CNGB3: variants seen among roughly 807,000 people sequenced by gnomAD.
CNGB3 encodes cyclic nucleotide-gated channel beta-3.
Under a neutral mutation model 92.8 loss-of-function variants are expected in CNGB3, and 86 were observed. The observed-to-expected ratio is 0.93, with a 90% CI of 0.78 to 1.11. The LOEUF (loss-of-function observed/expected upper bound fraction) is 1.11, where lower values mean the gene tolerates loss of function less well. Among genes scored for constraint, CNGB3 ranks in the 50% least tolerant of loss-of-function variants. The probability of loss-of-function intolerance (pLI) is 0.00; values close to 1 mark genes in which losing one functional copy is unlikely to be tolerated. For missense variants in CNGB3, 1,026 were observed against 956.8 expected (o/e 1.07, Z -0.95); for synonymous variants, 333 against 332.7 (o/e 1.00, Z -0.01).
chr8:86,577,830 A>G (rs978092218), intron 17 of CNGB3, among the ~76,000 whole-genome samples: 3 of 152,254 alleles, frequency 2.0e-5, no homozygotes, highest in African/African-American at 7.2e-5. Context: ...TTTAAGCAGC[A>G]AAATCACACA....
chr8:86,659,621 G>T, intron 6 of CNGB3: 4 of 525,150 alleles, frequency 7.6e-6, no homozygotes, highest in South Asian at 1.6e-5. Flanking sequence ...TCCCACACGC[G>T]CCAGGAATAC....
chr8:86,650,018 A>G (rs1823368468), intron 7 of CNGB3, among the ~76,000 whole-genome samples: 2 of 151,508 alleles, frequency 1.3e-5, no homozygotes, highest in South Asian at 4.1e-4. Context: ...AAGAAGTTAT[A>G]CAAATGGCCA....
rs1158255477 is a variant in CNGB3, at chr8:86,726,663, A to G, written c.212-6T>C. On this transcript the variant is annotated splice_polypyrimidine_tract_variant and splice_region_variant and intron_variant, in intron 2 of 17. Transcript: ENST00000320005. The stretch of plus-strand genomic sequence containing the variant: ...ATTTTTCTTGGAGAGTTTGTCTATG[A>G]AAAAAAAATTCACATAGATAGAAGA... The G allele has an allele frequency of 1.2e-6, 2 of 1,606,842 alleles. No individual in the cohort carries two copies. Among genetic ancestry groups the G allele is most frequent in the Non-Finnish European group, 1.7e-6 (2 of 1,174,810 alleles).
chr8:86,722,428 T>A (rs1824988462), intron 3 of CNGB3, among the ~76,000 whole-genome samples: 1 of 152,110 alleles, frequency 6.6e-6, no homozygotes, highest in Admixed American at 6.6e-5. Flanking sequence ...AGATAATGAA[T>A]TGTTTGCTTT....
chr8:86,655,390 A>G (rs1214064458), intron 6 of CNGB3, among the ~76,000 whole-genome samples: 2 of 152,256 alleles, frequency 1.3e-5, no homozygotes, highest in African/African-American at 4.8e-5. Flanking sequence ...TTTTCCACTC[A>G]CTTCCCGGAG....
At chr8:86,657,479 A>G (rs555403968) in intron 6 of CNGB3, 59 of 516,322 alleles carry the variant, frequency 1.1e-4, no homozygotes, top group South Asian at 8.3e-4. Context: ...GGGGTTCTGC[A>G]TCTCAGGAAG....
chr8:86,720,177 C>T (rs58938797), intron 3 of CNGB3, among the ~76,000 whole-genome samples: 8,898 of 152,222 alleles, frequency 0.058, 338 homozygotes, highest in East Asian at 0.13. Flanking sequence ...AGCTTTTGCA[C>T]AGCAAAGTAA....
At chr8:86,692,121 A>G (rs1824330841) in intron 3 of CNGB3, among the ~76,000 whole-genome samples, 1 of 152,192 alleles carries the variant, frequency 6.6e-6, no homozygotes, top group Non-Finnish European at 1.5e-5. Flanking sequence ...TCTTAAATTT[A>G]TTGAGACTTG....
chr8:86,587,655 C>T (rs1170523792), intron 15 of CNGB3, among the ~76,000 whole-genome samples: 3 of 150,900 alleles, frequency 2.0e-5, no homozygotes, highest in East Asian at 2.0e-4. Context: ...TGTAGATATG[C>T]GGCGTTATTT....
At chr8:86,713,925 T>C (rs1323221797) in intron 3 of CNGB3, among the ~76,000 whole-genome samples, 1 of 152,198 alleles carries the variant, frequency 6.6e-6, no homozygotes, top group Non-Finnish European at 1.5e-5. Flanking sequence ...ATTTCTCATA[T>C]ACCTTTGATC....
At position 86,632,947 on chromosome 8, in the gene CNGB3, A is replaced by G. The variant is rs530037339; in HGVS notation, c.1179-54T>C. 10 of 1,502,896 alleles carry G rather than the reference A, an allele frequency of 6.7e-6. No individual in the cohort carries two copies. In the East Asian group the frequency reaches 2.0e-4, roughly 31 times the overall value. The allele number at this position is 1,502,896 out of a possible 1,614,324, so 93.1% of individuals were successfully genotyped here. A position where few individuals can be genotyped will look rare whatever the true frequency, so the allele number is the denominator to read the frequency against. ...TTTTTTTCTATATCATCGAAAGACC[A>G]CTATTCTTGGGAGAATATAGTACTA... On this transcript the variant is annotated intron_variant, in intron 10 of 17. Transcript: ENST00000320005.
intron 3 of CNGB3, among the ~76,000 whole-genome samples, chr8:86,710,905 A>G (rs996938658): frequency 6.6e-6 from 1 of 152,198 alleles, no homozygotes; most frequent in Admixed American, 6.5e-5. Flanking sequence ...TGTTGACCAC[A>G]TGCCAGATTT....
At chr8:86,601,289 G>A (rs957359772) in intron 15 of CNGB3, among the ~76,000 whole-genome samples, 2 of 152,136 alleles carry the variant, frequency 1.3e-5, no homozygotes, top group African/African-American at 4.8e-5. Flanking sequence ...AATAAGACTT[G>A]GGACTAAATG....
chr8:86,736,422 G>A (rs1488482344), intron 2 of CNGB3, among the ~76,000 whole-genome samples: 1 of 152,012 alleles, frequency 6.6e-6, no homozygotes, highest in Non-Finnish European at 1.5e-5. Context: ...TACCAGCTAT[G>A]AAAAATTTAA....
At position 86,723,983 on chromosome 8, in the gene CNGB3, A is replaced by G. The variant is rs181166097; in HGVS notation, c.338+2548T>C. Among the ~76,000 whole-genome samples, 980 of 152,270 alleles carry G rather than the reference A, an allele frequency of 6.4e-3. 7 individuals carry two copies. The highest frequency in any genetic ancestry group is 0.02 in the Middle Eastern group (6 of 294). ...TTACAATGGTAGCTAAACATTGAGC[A>G]CACAAGGACACGTTGAAGAAAACAA... On this transcript the variant is annotated intron_variant, in intron 3 of 17. Transcript: ENST00000320005.
At position 86,579,263 on chromosome 8, in the gene CNGB3, G is replaced by A; in HGVS notation, c.1782-11C>T. 1 of 1,613,654 alleles carries A rather than the reference G, an allele frequency of 6.2e-7. No individual in the cohort carries two copies. The highest frequency in any genetic ancestry group is 8.5e-7 in the Non-Finnish European group (1 of 1,179,888). On this transcript the variant is annotated splice_polypyrimidine_tract_variant and intron_variant, in intron 15 of 17. Coordinates refer to ENST00000320005, the MANE Select transcript of CNGB3 (RefSeq NM_019098.5). ...CCTGCTGCTAGAAGGCTGTAAGAGA[G>A]AAAAATGAGTCTTTGCCACCAGTTT...
chr8:86,662,800 A>G (rs182521894), intron 6 of CNGB3, among the ~76,000 whole-genome samples: 81 of 152,248 alleles, frequency 5.3e-4, no homozygotes, highest in Non-Finnish European at 8.5e-4. Flanking sequence ...TTTTCACACA[A>G]TAAAGCCCTG....
chr8:86,630,118 C>T (rs1470206341), intron 11 of CNGB3, among the ~76,000 whole-genome samples: 1 of 152,188 alleles, frequency 6.6e-6, no homozygotes, highest in Non-Finnish European at 1.5e-5. Context: ...TTAAAACTAT[C>T]TGCAGAGGAG....
intron 6 of CNGB3, chr8:86,658,804 C>G: frequency 1.8e-6 from 1 of 554,726 alleles, no homozygotes; most frequent in East Asian, 3.4e-5. Flanking sequence ...TTGAGCTCAC[C>G]ATTCTGGAAG....
Sources: allele counts gnomAD v4.1 joint callset (sites outside exome capture counted in the v4.1 genomes callset), GRCh38; gene constraint gnomAD v4.1.1; transcripts MANE v1.5; gene names NCBI Gene and HGNC (gene_info 2026-07-23, HGNC 2026-07-21).